SLC25A51: variants seen among roughly 807,000 people sequenced by gnomAD.
SLC25A51 encodes mitochondrial nicotinamide adenine dinucleotide transporter SLC25A51.
A neutral mutation model predicts 19.1 loss-of-function variants in SLC25A51; 11 were observed. The ratio of observed to expected loss-of-function variants is 0.58; its 90% CI spans 0.36 to 0.96. The LOEUF (loss-of-function observed/expected upper bound fraction) is 0.96, where lower values mean the gene tolerates loss of function less well. Ranked by LOEUF, SLC25A51 falls within the 40% of genes least tolerant of loss-of-function variation. The pLI is 0.01. For missense variants in SLC25A51, 201 were observed against 365.4 expected (o/e 0.55, Z 3.67); for synonymous variants, 105 against 133.6 (o/e 0.79, Z 1.47).
rs982020987 is a variant in SLC25A51 at position 37,896,630 on chromosome 9, C to T, written c.-43+3199G>A. Among the ~76,000 whole-genome samples the T allele has an allele frequency of 3.9e-5, 6 of 152,192 alleles. No homozygotes were observed. In the East Asian group the frequency reaches 1.2e-3, roughly 30 times the overall value. On this transcript the variant is annotated intron_variant, in intron 2 of 2. Coordinates refer to ENST00000242275, the MANE Select transcript of SLC25A51 (RefSeq NM_033412.4). ...GGCCAACATGGCGAAACTCCATCTC[C>T]ACTAAAAATACAAAAATTAGCCAGG...
intron 2 of SLC25A51, among the ~76,000 whole-genome samples, chr9:37,893,048 G>C (rs372745201): frequency 6.6e-6 from 1 of 150,560 alleles, no homozygotes; most frequent in Non-Finnish European, 1.5e-5. Context: ...CCCAATTTTT[G>C]TATTTTTTTT....
At chr9:37,900,627 G>T (rs1327481275) in intron 1 of SLC25A51, among the ~76,000 whole-genome samples, 1 of 151,862 alleles carries the variant, frequency 6.6e-6, no homozygotes, top group Non-Finnish European at 1.5e-5. Flanking sequence ...GCAGAGAGGG[G>T]GCCTTGCTAT....
downstream of SLC25A51, chr9:37,885,534 C>T (rs534427494): frequency 1.3e-4 from 76 of 585,108 alleles, 2 homozygotes; most frequent in South Asian, 1.1e-3. Context: ...GGACTACAGG[C>T]GCCCGCCACC....
downstream of SLC25A51, chr9:37,886,429 C>T: frequency 3.9e-6 from 6 of 1,545,754 alleles, no homozygotes; most frequent in Non-Finnish European, 5.2e-6. Flanking sequence ...CTGTCAATTC[C>T]AGGCTCTTTC....
Sources: allele counts gnomAD v4.1 joint callset (sites outside exome capture counted in the v4.1 genomes callset), GRCh38; gene constraint gnomAD v4.1.1; transcripts MANE v1.5; gene names NCBI Gene and HGNC (gene_info 2026-07-23, HGNC 2026-07-21).